Variants in SEPTIN9 observed in about 807,000 individuals in gnomAD.
The protein encoded by SEPTIN9 is septin-9.
Under a neutral mutation model 56.6 loss-of-function variants are expected in SEPTIN9, and 13 were observed. The observed-to-expected ratio is 0.23, with a 90% CI of 0.15 to 0.37. The LOEUF (loss-of-function observed/expected upper bound fraction) is 0.37. SEPTIN9 is among the 10% of genes least tolerant of loss of function. SEPTIN9 has a pLI of 1.00. For missense variants in SEPTIN9, 650 were observed against 823.1 expected (o/e 0.79, Z 2.57); for synonymous variants, 332 against 334.1 (o/e 0.99, Z 0.07).
At chr17:77,376,032 C>G in intron 2 of SEPTIN9, 8 of 911,332 alleles carry the variant, frequency 8.8e-6, no homozygotes, top group Non-Finnish European at 9.1e-6. Context: ...TGTGGACAGG[C>G]AGCTTCCGAA....
intron 2 of SEPTIN9, among the ~76,000 whole-genome samples, chr17:77,398,142 T>G (rs916169118): frequency 2.6e-5 from 4 of 151,998 alleles, no homozygotes; most frequent in Non-Finnish European, 5.9e-5. Context: ...CCTGGCCAAT[T>G]TTTGTATTGT....
chr17:77,470,357 CCCATCCACTTATCCAT>C (rs1427402532), intron 3 of SEPTIN9, among the ~76,000 whole-genome samples: 5 of 151,424 alleles, frequency 3.3e-5, no homozygotes, highest in Middle Eastern at 3.4e-3. Flanking sequence ...CACTCATCTA[CCCATCCACTTATCCAT>C]CCATCCACTC....
chr17:77,460,523 A>G (rs2038420450), intron 3 of SEPTIN9, among the ~76,000 whole-genome samples: 1 of 152,168 alleles, frequency 6.6e-6, no homozygotes, highest in Admixed American at 6.5e-5. Context: ...CTCATCCCCC[A>G]AGGCTCCTGG....
intron 3 of SEPTIN9, among the ~76,000 whole-genome samples, chr17:77,414,793 G>C (rs762571267): frequency 6.6e-6 from 1 of 152,056 alleles, no homozygotes; most frequent in Admixed American, 6.6e-5. Flanking sequence ...GCCCAGGCTG[G>C]TCTTGAACTC....
At chr17:77,460,073 A>T (rs1307318512) in intron 3 of SEPTIN9, among the ~76,000 whole-genome samples, 1 of 79,054 alleles carries the variant, frequency 1.3e-5, no homozygotes, top group African/African-American at 4.8e-5. Flanking sequence ...CCCAAGCCCC[A>T]CCCCCCCCAG....
At chr17:77,356,247 A>G (rs2034233608) in intron 2 of SEPTIN9, among the ~76,000 whole-genome samples, 1 of 152,044 alleles carries the variant, frequency 6.6e-6, no homozygotes, top group South Asian at 2.1e-4. Flanking sequence ...GAGGCTTCCT[A>G]AGCAGCTCTG....
chr17:77,392,230 G>A (rs548612236), intron 2 of SEPTIN9, among the ~76,000 whole-genome samples: 39 of 152,284 alleles, frequency 2.6e-4, no homozygotes, highest in African/African-American at 8.2e-4. Flanking sequence ...AAGGACCTCC[G>A]GAGTGCCTGG....
intron 2 of SEPTIN9, among the ~76,000 whole-genome samples, chr17:77,372,071 C>T (rs1361576023): frequency 6.6e-6 from 1 of 152,078 alleles, no homozygotes; most frequent in Non-Finnish European, 1.5e-5. Flanking sequence ...TCAGGCGCTC[C>T]CCGGCCACAC....
At position 77,486,304 on chromosome 17, in the gene SEPTIN9, G is replaced by A. The variant is rs147645234; in HGVS notation, c.914-1120G>A. Among the ~76,000 whole-genome samples, 1,340 of 149,856 alleles carry A rather than the reference G, an allele frequency of 8.9e-3. 16 individuals carry two copies. The highest frequency in any genetic ancestry group is 0.028 in the African/African-American group (1,121 of 40,610). ...TTTGATGTAGAGACAGGGTCTCTCT[G>A]TGTTGCCCAGGCTGGTCTTGAACTC... On this transcript the variant is annotated intron_variant, in intron 4 of 11. Coordinates refer to ENST00000427177, the MANE Select transcript of SEPTIN9 (RefSeq NM_001113491.2).
intron 1 of SEPTIN9, among the ~76,000 whole-genome samples, chr17:77,292,297 G>C (rs775518652): frequency 5.9e-5 from 9 of 152,062 alleles, no homozygotes; most frequent in Non-Finnish European, 1.3e-4. Context: ...TCTACCTGTT[G>C]GTCTCCATCT....
chr17:77,393,878 G>T (rs79737034), intron 2 of SEPTIN9, among the ~76,000 whole-genome samples: 2 of 152,130 alleles, frequency 1.3e-5, no homozygotes, highest in Admixed American at 6.5e-5. Flanking sequence ...GAGCCACCGC[G>T]CCTGGCCTCA....
rs8080478 is a variant in SEPTIN9 at position 77,405,554 on chromosome 17, C to T, written c.721+2851C>T. Among the ~76,000 whole-genome samples, 1 of 152,148 alleles carries T rather than the reference C, an allele frequency of 6.6e-6. No homozygotes were observed. Among genetic ancestry groups the T allele is most frequent in the South Asian group, 2.1e-4 (1 of 4,826 alleles). ...GACCTGTGCAGGTGGGAGTCCAGCT[C>T]ACGTGGAGAGGTCCGTGGGCTGGGC... On this transcript the variant is annotated intron_variant, in intron 3 of 11. Transcript: ENST00000427177. This position sits in a 1 kb window ranked among gnomAD's most constrained non-coding sequence, Gnocchi z 5.8.
Position 77,498,950 on chromosome 17 carries a change from A to G in SEPTIN9, c.*292A>G. ...CCCAGGCCTGGCTCCCCGAGGGCTCAGAAGAGCAGCTTCGGTGTGCAGATC... is the reference window on the plus strand; with the variant it reads ...CCCAGGCCTGGCTCCCCGAGGGCTCGGAAGAGCAGCTTCGGTGTGCAGATC... On this transcript the variant is annotated 3_prime_UTR_variant, in exon 12 of 12. Coordinates refer to ENST00000427177, the MANE Select transcript of SEPTIN9 (RefSeq NM_001113491.2). 1.8e-6 allele frequency: 1 copy of G among 554,810 alleles called. No homozygotes were observed. The highest frequency in any genetic ancestry group is 1.5e-5 in the South Asian group (1 of 65,428). 34.4% of individuals were successfully genotyped at this position (554,810 alleles called of 1,614,324 possible).
Position 77,492,190 on chromosome 17 carries a change from T to G in SEPTIN9, c.1381-431T>G, listed in dbSNP as rs2040060030. Among the ~76,000 whole-genome samples, 1 of 152,122 alleles carries G rather than the reference T, an allele frequency of 6.6e-6. No individual in the cohort carries two copies. The highest frequency in any genetic ancestry group is 1.5e-5 in the Non-Finnish European group (1 of 68,014). On this transcript the variant is annotated intron_variant, in intron 8 of 11. Coordinates refer to ENST00000427177, the MANE Select transcript of SEPTIN9 (RefSeq NM_001113491.2). This position sits in a 1 kb window ranked among gnomAD's most constrained non-coding sequence, Gnocchi z 5.4. ...GGCGAGCAGCCGCTCACTGGGATGT[T>G]TCTGTTGCACGTACCCATGTCGGGC... is the stretch of plus-strand genomic sequence containing the variant.
Position 77,323,099 on chromosome 17 carries a change from C to T in SEPTIN9, c.76+15902C>T, listed in dbSNP as rs1218224357. Reference sequence around the variant, plus strand: ...AGCCCCAGGGAAGGCTTAGGAGCCCCAAGACCTGCCCTCTTGTCCCTCCCT... The same window carrying T: ...AGCCCCAGGGAAGGCTTAGGAGCCCTAAGACCTGCCCTCTTGTCCCTCCCT... On this transcript the variant is annotated intron_variant, in intron 2 of 11. Transcript: ENST00000427177. This position sits in a 1 kb window ranked among gnomAD's most constrained non-coding sequence, Gnocchi z 6.8. 2.0e-5 allele frequency among the ~76,000 whole-genome samples: 3 copies of T among 152,150 alleles called. No homozygotes were observed. Among genetic ancestry groups the T allele is most frequent in the African/African-American group, 7.2e-5 (3 of 41,434 alleles).
intron 4 of SEPTIN9, among the ~76,000 whole-genome samples, chr17:77,484,653 T>C (rs1463912507): frequency 1.4e-5 from 2 of 145,728 alleles, no homozygotes; most frequent in Non-Finnish European, 3.0e-5. Context: ...ATGGGGGTGG[T>C]GGTGGTGATT....
chr17:77,491,805 C>CAAAA (rs35233871), intron 8 of SEPTIN9, among the ~76,000 whole-genome samples: 27 of 59,586 alleles, frequency 4.5e-4, no homozygotes, highest in African/African-American at 1.5e-3. Flanking sequence ...GACTCCATCT[C>CAAAA]AAAAAAAAAA....
chr17:77,433,949 C>T lies in SEPTIN9; in HGVS notation c.721+31246C>T, dbSNP rs778561673. Reference sequence around the variant, plus strand: ...AGCTTGCTGTGGGGCCTCCCCCGATCGGGGGACTTCCCAGCACAGAGCTTT... The same window carrying T: ...AGCTTGCTGTGGGGCCTCCCCCGATTGGGGGACTTCCCAGCACAGAGCTTT... On this transcript the variant is annotated intron_variant, in intron 3 of 11. Transcript: ENST00000427177. The surrounding 1 kb of genome is among the most constrained non-coding windows in gnomAD (Gnocchi z 6.4). Among the ~76,000 whole-genome samples, 3 of 152,202 alleles carry T rather than the reference C, an allele frequency of 2.0e-5. No homozygotes were observed. Among genetic ancestry groups the T allele is most frequent in the Admixed American group, 6.5e-5 (1 of 15,290 alleles).
At chr17:77,393,672 C>T (rs1435851194) in intron 2 of SEPTIN9, among the ~76,000 whole-genome samples, 1 of 152,196 alleles carries the variant, frequency 6.6e-6, no homozygotes, top group Non-Finnish European at 1.5e-5. Context: ...TCACCACAAC[C>T]TCCGCCTCCT....
Sources: gnomAD v4.1 joint callset for allele counts (sites outside exome capture counted in the v4.1 genomes callset) on GRCh38, gnomAD v4.1.1 for gene constraint, Gnocchi (gnomAD v3.1) non-coding constraint, MANE v1.5 for transcripts, NCBI Gene and HGNC (gene_info 2026-07-23, HGNC 2026-07-21) for gene names.